Variants in CNOT1 observed in about 807,000 individuals in gnomAD.
The protein encoded by CNOT1 is CCR4-NOT transcription complex subunit 1.
Under a neutral mutation model 273.8 loss-of-function variants are expected in CNOT1, and 15 were observed. The ratio of observed to expected loss-of-function variants is 0.05; its 90% confidence interval spans 0.04 to 0.08. CNOT1 has a LOEUF of 0.08. CNOT1 is among the 10% of genes least tolerant of loss of function. The pLI is 1.00. For missense variants in CNOT1, 1,644 were observed against 2,912.2 expected (o/e 0.56, Z 10.02); for synonymous variants, 1,022 against 1,005.5 (o/e 1.02, Z -0.31).
At chr16:58,579,836 T>A (rs2041593903) in intron 12 of CNOT1, among the ~76,000 whole-genome samples, 1 of 152,156 alleles carries the variant, frequency 6.6e-6, no homozygotes, top group African/African-American at 2.4e-5. Context: ...AGAAACCTGA[T>A]ATACACACCA....
At position 58,540,866 on chromosome 16, in the gene CNOT1, A is replaced by C. The variant is rs551047700; in HGVS notation, c.4800+635T>G. ...GAAAATATTTTTCCCTATATTTCCA[A>C]GTTTTCTGTAAACACCTTTGAAAAT... On this transcript the variant is annotated intron_variant, in intron 34 of 48. Coordinates refer to ENST00000317147, the MANE Select transcript of CNOT1 (RefSeq NM_016284.5). 2.6e-4 allele frequency among the ~76,000 whole-genome samples: 40 copies of C among 152,338 alleles called. 1 individual carries two copies. Among genetic ancestry groups the C allele is most frequent in the African/African-American group, 9.6e-4 (40 of 41,578 alleles).
At chr16:58,603,321 G>C (rs2042539760) in intron 1 of CNOT1, among the ~76,000 whole-genome samples, 1 of 151,918 alleles carries the variant, frequency 6.6e-6, no homozygotes, top group Non-Finnish European at 1.5e-5. Flanking sequence ...CTTGAACGCG[G>C]GAGTTCAACA....
chr16:58,620,509 G>A (rs2043267131), intron 1 of CNOT1, among the ~76,000 whole-genome samples: 1 of 151,920 alleles, frequency 6.6e-6, no homozygotes, highest in East Asian at 1.9e-4. Flanking sequence ...GGCGTGGTGT[G>A]GCAGGCACCT....
In CNOT1 at chr16:58,587,218, G is replaced by A; in HGVS notation, c.416C>T (p.Ser139Leu). The change falls in exon 6 of 49, where the codon TCA becomes TTA. Residue 139 changes from serine to leucine, a missense_variant. Physicochemically the swap from Ser to Leu is moderately radical, Grantham distance 145. Coordinates refer to ENST00000317147, the MANE Select transcript of CNOT1 (RefSeq NM_016284.5). ...FGLALLNSSS[S>L]DLRGFAAQFI... Reference sequence around the variant, plus strand: ...TAACTCACCGAAACCTCTAAGATCTGAGCTGGAAGAATTCAACAGGGCAAG... The same window carrying A: ...TAACTCACCGAAACCTCTAAGATCTAAGCTGGAAGAATTCAACAGGGCAAG... 1.2e-6 allele frequency: 2 copies of A among 1,613,540 alleles called. No homozygotes were observed. The highest frequency in any genetic ancestry group is 1.3e-5 in the African/African-American group (1 of 75,020).
In CNOT1 at chr16:58,619,196, C is replaced by CA. The variant is rs1193235570; in HGVS notation, c.-175+10531dup. Among the ~76,000 whole-genome samples, 12 of 151,942 alleles carry CA rather than the reference C, an allele frequency of 7.9e-5. No homozygotes were observed. In the East Asian group the frequency reaches 1.2e-3, roughly 15 times the overall value. On this transcript the variant is annotated intron_variant, in intron 1 of 48. Coordinates refer to ENST00000317147, the MANE Select transcript of CNOT1 (RefSeq NM_016284.5). ...AGCCTGGGCAACAGAGACCCTGTCT[C>CA]AAAAAACAAAATAACAGAGAGTAGC...
rs41445346 is a variant in CNOT1, at chr16:58,558,374, C to T, written c.2332+99G>A. On this transcript the variant is annotated intron_variant, in intron 18 of 48. Coordinates refer to ENST00000317147, the MANE Select transcript of CNOT1 (RefSeq NM_016284.5). Reference sequence around the variant, plus strand: ...AGCTTTCACAATTTCATTTAAGCAGCTTTCCTTATCACAGTGACTCCAAAC... The same window carrying T: ...AGCTTTCACAATTTCATTTAAGCAGTTTTCCTTATCACAGTGACTCCAAAC... 632,095 of 1,547,730 alleles carry T rather than the reference C, an allele frequency of 0.41. 140,037 individuals are homozygous for T. The highest frequency in any genetic ancestry group is 0.46 in the Non-Finnish European group (530,651 of 1,148,102).
chr16:58,542,180 T>G (rs1206819198), intron 33 of CNOT1, 51 bp downstream of exon 33: 7 of 1,599,632 alleles, frequency 4.4e-6, no homozygotes, highest in Non-Finnish European at 6.0e-6. Context: ...AACAACAACA[T>G]TAAAAATAAA....
intron 18 of CNOT1, 23 bp downstream of exon 18, chr16:58,558,450 G>A (rs769367964): frequency 1.2e-6 from 2 of 1,612,972 alleles, no homozygotes; most frequent in South Asian, 1.1e-5. Context: ...AATAATCCAT[G>A]CTCTCATTTG....
In CNOT1 at chr16:58,547,808, G is replaced by T; in HGVS notation, c.3523-126C>A. 1.2e-6 allele frequency: 1 copy of T among 844,932 alleles called. No individual in the cohort carries two copies. Among genetic ancestry groups the T allele is most frequent in the Non-Finnish European group, 1.8e-6 (1 of 569,222 alleles). The allele number at this position is 844,932 out of a possible 1,614,324, so 52.3% of individuals were successfully genotyped here. A position where few individuals can be genotyped will look rare whatever the true frequency, so the allele number is the denominator to read the frequency against. ...ATCATTTCTAAGAACAGGCCCCAAA[G>T]TAGAATTACTCTGTATATCATTCTC... On this transcript the variant is annotated intron_variant, in intron 25 of 48. Transcript: ENST00000317147. The surrounding 1 kb of genome is among the most constrained non-coding windows in gnomAD (Gnocchi z 4.0).
chr16:58,543,471 T>C (rs2040160633), intron 31 of CNOT1, 136 bp downstream of exon 31: 1 of 1,507,058 alleles, frequency 6.6e-7, no homozygotes, highest in Non-Finnish European at 8.9e-7. Context: ...TCTAAAATGA[T>C]GGAAGACATC....
intron 1 of CNOT1, among the ~76,000 whole-genome samples, chr16:58,604,816 C>A (rs914991836): frequency 1.8e-3 from 157 of 86,432 alleles, no homozygotes; most frequent in Middle Eastern, 7.1e-3. Flanking sequence ...AAACAAAAAA[C>A]AAAAAAAAAA....
At chr16:58,570,202 T>C (rs1047366866) in intron 16 of CNOT1, among the ~76,000 whole-genome samples, 7 of 152,196 alleles carry the variant, frequency 4.6e-5, no homozygotes, top group African/African-American at 1.7e-4. Flanking sequence ...GGTAATTCAT[T>C]GCTAGCAGTC....
At chr16:58,562,326 G>C (rs1048929763) in intron 16 of CNOT1, among the ~76,000 whole-genome samples, 18 of 151,428 alleles carry the variant, frequency 1.2e-4, no homozygotes, top group South Asian at 2.1e-4. Context: ...ACACAGCCAA[G>C]ACTTCATCTC....
chr16:58,601,255 T>C (rs1005825178), intron 1 of CNOT1, among the ~76,000 whole-genome samples: 1 of 152,068 alleles, frequency 6.6e-6, no homozygotes, highest in Non-Finnish European at 1.5e-5. Flanking sequence ...GGAGCCCACA[T>C]CCTGGCTAGT....
chr16:58,542,748 AC>A (rs1471766561), intron 31 of CNOT1, among the ~76,000 whole-genome samples, 180 bp from the exon 32 acceptor site: 1 of 152,218 alleles, frequency 6.6e-6, no homozygotes, highest in East Asian at 1.9e-4. Flanking sequence ...CACTTTTAAG[AC>A]AAAAATATCC....
intron 2 of CNOT1, chr16:58,598,077 A>C (rs535536958): frequency 6.0e-6 from 1 of 168,006 alleles, no homozygotes; most frequent in South Asian, 1.5e-4. Context: ...CAGCCTGGCC[A>C]ACATGGTGAA....
At chr16:58,537,822 G>T in intron 38 of CNOT1, 69 bp downstream of exon 38, 1 of 1,579,766 alleles carries the variant, frequency 6.3e-7, no homozygotes, top group Non-Finnish European at 8.7e-7. Flanking sequence ...TAGTAAGTCT[G>T]CATATTCATT....
chr16:58,535,686 T>A (rs2039905570), intron 39 of CNOT1, among the ~76,000 whole-genome samples: 1 of 152,220 alleles, frequency 6.6e-6, no homozygotes, highest in Non-Finnish European at 1.5e-5. Flanking sequence ...ATACTCGGTA[T>A]GATTTACTGA....
chr16:58,605,406 G>A (rs569257613), intron 1 of CNOT1, among the ~76,000 whole-genome samples: 2 of 151,988 alleles, frequency 1.3e-5, no homozygotes, highest in South Asian at 4.2e-4. Context: ...AGGAGGCTGA[G>A]GCAGGAGAAT....
Sources: gnomAD v4.1 joint callset for allele counts (sites outside exome capture counted in the v4.1 genomes callset) on GRCh38, gnomAD v4.1.1 for gene constraint, Gnocchi (gnomAD v3.1) non-coding constraint, MANE v1.5 for transcripts, NCBI Gene and HGNC (gene_info 2026-07-23, HGNC 2026-07-21) for gene names.